Variants in DPY19L4 observed in about 807,000 individuals in gnomAD.
DPY19L4 encodes the protein dpy-19 like 4, also known as probable C-mannosyltransferase DPY19L4.
Under a neutral mutation model 102.8 loss-of-function variants are expected in DPY19L4, and 97 were observed. The observed-to-expected ratio is 0.94, with a 90% CI of 0.80 to 1.12. The LOEUF is 1.12. Ranked by LOEUF, DPY19L4 falls within the 50% of genes most tolerant of loss-of-function variation. The pLI is 0.00. For synonymous variants in DPY19L4, 252 were observed against 283.1 expected, an observed-to-expected ratio of 0.89 and a Z score of 1.10; for missense variants, 815 against 850.4, an observed-to-expected ratio of 0.96 and a Z score of 0.52.
At chr8:94,722,931 T>C (rs1810531802) in intron 1 of DPY19L4, among the ~76,000 whole-genome samples, 1 of 152,208 alleles carries the variant, frequency 6.6e-6, no homozygotes, top group Admixed American at 6.5e-5. Flanking sequence ...AGGGTGTTTA[T>C]ATTTATGCTT....
rs1336749921 is a variant in DPY19L4 at position 94,793,049 on chromosome 8, C to G, written c.*3139C>G. On this transcript the variant is annotated 3_prime_UTR_variant, in exon 19 of 19. Transcript: ENST00000414645. ...CTGTTAGACTGGTAGAGTTTAAGAA[C>G]CTAAGGAGTATGCATTGTACTTCAG... The G allele has an allele frequency of 6.6e-6, 1 of 152,154 alleles. No individual in the cohort carries two copies. The highest frequency in any genetic ancestry group is 1.5e-5 in the Non-Finnish European group (1 of 68,016). 9.4% of individuals were successfully genotyped at this position (152,154 alleles called of 1,614,324 possible). A position where few individuals can be genotyped will look rare whatever the true frequency, so the allele number is the denominator to read the frequency against.
At chr8:94,747,908 C>G (rs1254023960) in intron 6 of DPY19L4, among the ~76,000 whole-genome samples, 1 of 141,490 alleles carries the variant, frequency 7.1e-6, no homozygotes, top group East Asian at 1.9e-4. Context: ...AAATTAAACT[C>G]AAAGAGAAGT....
intron 13 of DPY19L4, among the ~76,000 whole-genome samples, chr8:94,774,025 G>A (rs1176304220): frequency 1.4e-5 from 2 of 145,474 alleles, no homozygotes; most frequent in African/African-American, 2.6e-5. Context: ...ACAGAGTGAG[G>A]CTGTGTCTTT....
intron 1 of DPY19L4, among the ~76,000 whole-genome samples, chr8:94,725,592 A>G (rs1343395593): frequency 5.3e-5 from 8 of 152,160 alleles, no homozygotes; most frequent in Non-Finnish European, 1.0e-4. Context: ...CAGAACTTTT[A>G]GGGTTATTTA....
chr8:94,748,804 G>A (rs1811791901), intron 6 of DPY19L4, among the ~76,000 whole-genome samples: 1 of 152,152 alleles, frequency 6.6e-6, no homozygotes, highest in Non-Finnish European at 1.5e-5. Flanking sequence ...TCTAGGTTGT[G>A]TGCTCCTTAT....
intron 11 of DPY19L4, among the ~76,000 whole-genome samples, chr8:94,767,750 T>G (rs1812742233): frequency 6.6e-6 from 1 of 152,156 alleles, no homozygotes; most frequent in Admixed American, 6.6e-5. Context: ...CAATATACAG[T>G]AGGTCTATCC....
chr8:94,729,735 G>A (rs1810858379), intron 2 of DPY19L4, among the ~76,000 whole-genome samples: 5 of 149,292 alleles, frequency 3.3e-5, no homozygotes, highest in African/African-American at 1.3e-4. Context: ...GGAGGCTGAG[G>A]TAGGAGGATT....
intron 6 of DPY19L4, among the ~76,000 whole-genome samples, chr8:94,747,083 CAG>C (rs1260439817): frequency 6.6e-6 from 1 of 151,724 alleles, no homozygotes; most frequent in Admixed American, 6.6e-5. Flanking sequence ...TTTTTTGAGA[CAG>C]AGTCTCACTC....
At chr8:94,774,655 G>A (rs1343132007) in intron 13 of DPY19L4, among the ~76,000 whole-genome samples, 2 of 148,624 alleles carry the variant, frequency 1.3e-5, no homozygotes, top group Middle Eastern at 3.3e-3. Context: ...TTGGCTCACC[G>A]CAACCTCCAC....
intron 2 of DPY19L4, among the ~76,000 whole-genome samples, chr8:94,731,189 A>T (rs1810938281): frequency 1.3e-5 from 2 of 152,124 alleles, no homozygotes; most frequent in Non-Finnish European, 2.9e-5. Flanking sequence ...AAAAAAACAA[A>T]CCCAAGAAAT....
intron 1 of DPY19L4, among the ~76,000 whole-genome samples, chr8:94,723,492 G>C (rs1334024275): frequency 2.0e-5 from 3 of 151,680 alleles, no homozygotes; most frequent in African/African-American, 7.3e-5. Flanking sequence ...AAAAAAGATA[G>C]TGAAAAGGAA....
chr8:94,756,866 A>T (rs1334122900), intron 7 of DPY19L4, among the ~76,000 whole-genome samples: 2 of 152,174 alleles, frequency 1.3e-5, no homozygotes, highest in African/African-American at 4.8e-5. Flanking sequence ...CTCTAATAAA[A>T]ATTCAAAAAT....
chr8:94,732,975 G>GCTAATATTT (rs1239101909), intron 2 of DPY19L4, among the ~76,000 whole-genome samples: 1 of 147,390 alleles, frequency 6.8e-6, no homozygotes, highest in Non-Finnish European at 1.5e-5. Flanking sequence ...CACCACATGG[G>GCTAATATTT]CTAATATTTT....
intron 2 of DPY19L4, among the ~76,000 whole-genome samples, chr8:94,733,422 G>T (rs1234278494): frequency 6.6e-6 from 1 of 152,096 alleles, no homozygotes; most frequent in African/African-American, 2.4e-5. Context: ...ACCGTGCCAG[G>T]CCCATCTTAA....
rs7815919 is a variant in DPY19L4 at position 94,764,852 on chromosome 8, C to T, written c.871-331C>T. On this transcript the variant is annotated intron_variant, in intron 8 of 18. Transcript: ENST00000414645. ...TAAGCGATTCTCATGCCTCAGCCTCCCGAGTGGCTGGGATTACAGGTTCCT... is the reference window on the plus strand; with the variant it reads ...TAAGCGATTCTCATGCCTCAGCCTCTCGAGTGGCTGGGATTACAGGTTCCT... 3.6e-3 allele frequency among the ~76,000 whole-genome samples: 530 copies of T among 148,482 alleles called. 3 individuals carry two copies. The highest frequency in any genetic ancestry group is 0.013 in the African/African-American group (512 of 40,260).
chr8:94,789,368 ATAAT>A (rs1210974959), intron 18 of DPY19L4, among the ~76,000 whole-genome samples: 3 of 152,236 alleles, frequency 2.0e-5, no homozygotes, highest in African/African-American at 7.2e-5. Context: ...TGCTTACTAA[ATAAT>A]TCTACACGAG....
rs1813730115 is a variant in DPY19L4 at position 94,788,049 on chromosome 8, C to T, written c.2004C>T (p.Gly668=). 1.4e-6 allele frequency: 2 copies of T among 1,433,916 alleles called. No individual in the cohort carries two copies. 88.8% of individuals were successfully genotyped at this position (1,433,916 alleles called of 1,614,324 possible). Residue 668 remains glycine (G), a synonymous_variant, in exon 18 of 19, where the codon GGC becomes GGT. Transcript: ENST00000414645. ...AAGATTTATTAGACATTGCAAATGG[C>T]CACGTAAGTAACCATTTGGAAAGTT... ...RVKDLLDIAN[G]HMVCEEGDKL... is the part of the protein sequence containing the mutation.
rs1220837797 is a variant in DPY19L4 at position 94,734,656 on chromosome 8, AT to A, written c.158del (p.Phe53SerfsTer12). ...TGTATTATTTCAACGCTTTGCAAAGATTTTCATTGGCTGTCTTGCAGCGGTT... is the reference window on the plus strand; with the variant it reads ...TGTATTATTTCAACGCTTTGCAAAGATTTCATTGGCTGTCTTGCAGCGGTT... Reference protein sequence around the residue: ...KHVLFQRFAKIFIGCLAAVTS... With the variant: ...KHVLFQRFAKXFIGCLAAVTS... On this transcript the variant is annotated frameshift_variant, in exon 3 of 19. Transcript: ENST00000414645. LOFTEE classifies it high-confidence loss of function. The A allele has an allele frequency of 6.2e-7, 1 of 1,613,706 alleles. No homozygotes were observed. Among genetic ancestry groups the A allele is most frequent in the African/African-American group, 1.3e-5 (1 of 74,874 alleles).
intron 1 of DPY19L4, among the ~76,000 whole-genome samples, chr8:94,724,071 A>T (rs1203379796): frequency 1.3e-5 from 2 of 152,218 alleles, no homozygotes; most frequent in African/African-American, 4.8e-5. Flanking sequence ...GAACATTTTT[A>T]AAAAGGAAAA....
Sources: gnomAD v4.1 joint callset for allele counts (sites outside exome capture counted in the v4.1 genomes callset) on GRCh38, gnomAD v4.1.1 for gene constraint, MANE v1.5 for transcripts, NCBI Gene and HGNC (gene_info 2026-07-23, HGNC 2026-07-21) for gene names.